Variants in CLSTN3 observed in about 807,000 individuals in gnomAD.
The protein encoded by CLSTN3 is calsyntenin 3.
Under a neutral mutation model 95.9 loss-of-function variants are expected in CLSTN3, and 36 were observed. The observed-to-expected ratio is 0.38, with a 90% CI of 0.29 to 0.50. CLSTN3 has a LOEUF of 0.50. Ranked by LOEUF, CLSTN3 falls within the 20% of genes least tolerant of loss-of-function variation. The pLI, the probability that CLSTN3 is intolerant of heterozygous loss-of-function variation, is 0.95. For synonymous variants in CLSTN3, 481 were observed against 504.0 expected, an observed-to-expected ratio of 0.95 and a Z score of 0.61; for missense variants, 1,084 against 1,268.8, an observed-to-expected ratio of 0.85 and a Z score of 2.21.
At position 7,133,102 on chromosome 12, in the gene CLSTN3, C is replaced by T. The variant is rs747312903; in HGVS notation, c.143C>T (p.Pro48Leu). 13 of 1,613,996 alleles carry T rather than the reference C, an allele frequency of 8.1e-6. No homozygotes were observed. The highest frequency in any genetic ancestry group is 1.1e-5 in the Non-Finnish European group (13 of 1,180,022). The change falls in exon 2 of 18, where the codon CCA becomes CTA. Residue 48 changes from proline to leucine, a missense_variant. Coordinates refer to ENST00000266546, the MANE Select transcript of CLSTN3 (RefSeq NM_014718.4). This position sits in a 1 kb window ranked among gnomAD's most constrained non-coding sequence, Gnocchi z 4.7. ...MENDNTVLLN[P>L]PLFALDKDAP... ...AATGACAACACGGTCCTACTGAATC[C>T]ACCACTCTTTGCCTTGGACAAGGAT...
At chr12:7,135,606 G>A (rs1364964139) in intron 4 of CLSTN3, 71 bp downstream of exon 4, 2 of 1,523,122 alleles carry the variant, frequency 1.3e-6, no homozygotes, top group Admixed American at 1.7e-5. Context: ...GACAACCCAG[G>A]GTTGCATTCT....
intron 6 of CLSTN3, among the ~76,000 whole-genome samples, 178 bp downstream of exon 6, chr12:7,136,569 T>C (rs935409075): frequency 6.6e-6 from 1 of 152,178 alleles, no homozygotes; most frequent in Non-Finnish European, 1.5e-5. Flanking sequence ...TTGGCAAAGA[T>C]GCATAGTCAT....
Position 7,150,030 on chromosome 12 carries a change from C to T in CLSTN3, c.2245+337C>T, listed in dbSNP as rs374257867. 3.6e-4 allele frequency among the ~76,000 whole-genome samples: 55 copies of T among 152,270 alleles called. No individual in the cohort carries two copies. The East Asian group carries it at 8.3e-3, about 23-fold the overall frequency. On this transcript the variant is annotated intron_variant, in intron 14 of 17. Transcript: ENST00000266546. The surrounding 1 kb of genome is among the most constrained non-coding windows in gnomAD (Gnocchi z 4.0). ...AACCCTCTAGCTGTCTGTTTGTTAC[C>T]GGTCATCTCTGTTGTTCAGCTCACT...
Position 7,157,389 on chromosome 12 carries a change from TC to T in CLSTN3, c.2528-98del. ...GCCACCGTGTGTTCTGCCCTGGGAG[TC>T]CTTCAGCCCGGGCTGCCTCTTTTCC... On this transcript the variant is annotated intron_variant, in intron 16 of 17. Transcript: ENST00000266546. The surrounding 1 kb of genome is among the most constrained non-coding windows in gnomAD (Gnocchi z 5.9). The T allele has an allele frequency of 2.0e-6, 2 of 1,015,976 alleles. No individual in the cohort carries two copies. Among genetic ancestry groups the T allele is most frequent in the East Asian group, 5.3e-5 (2 of 38,042 alleles). 62.9% of individuals were successfully genotyped at this position (1,015,976 alleles called of 1,614,324 possible). A position where few individuals can be genotyped will look rare whatever the true frequency, so the allele number is the denominator to read the frequency against.
intron 5 of CLSTN3, 85 bp from the exon 6 acceptor site, chr12:7,136,121 C>T: frequency 6.5e-7 from 1 of 1,536,744 alleles, no homozygotes; most frequent in Non-Finnish European, 8.8e-7. Context: ...CCAAACTGTC[C>T]ATGGACATGG....
At chr12:7,138,172 C>A in intron 8 of CLSTN3, 105 bp downstream of exon 8, 1 of 723,782 alleles carries the variant, frequency 1.4e-6, no homozygotes, top group South Asian at 1.8e-5. Flanking sequence ...CCCCCTTGCC[C>A]TCTCTTTGCT....
At chr12:7,142,564 T>C (rs1330101777) in intron 10 of CLSTN3, among the ~76,000 whole-genome samples, 1 of 151,986 alleles carries the variant, frequency 6.6e-6, no homozygotes, top group African/African-American at 2.4e-5. Flanking sequence ...TGGTCCTGTT[T>C]CCTTCTCTTC....
chr12:7,133,610 G>C lies in CLSTN3; in HGVS notation c.225G>C (p.Val75=). 1 of 1,614,096 alleles carries C rather than the reference G, an allele frequency of 6.2e-7. No individual in the cohort carries two copies. Among genetic ancestry groups the C allele is most frequent in the East Asian group, 2.2e-5 (1 of 44,860 alleles). Residue 75 remains valine, a synonymous_variant, in exon 3 of 18, where the codon GTG becomes GTC. Coordinates refer to ENST00000266546, the MANE Select transcript of CLSTN3 (RefSeq NM_014718.4). This position sits in a 1 kb window ranked among gnomAD's most constrained non-coding sequence, Gnocchi z 4.7. ...GCTTCCGGCTCCATGGGTCTGGGGT[G>C]CCCTTTGAGGCTGTGATCCTTGACA... is the stretch of plus-strand genomic sequence containing the variant. ...ICGFRLHGSG[V]PFEAVILDKA...
At chr12:7,142,520 C>A (rs1289443540) in intron 10 of CLSTN3, among the ~76,000 whole-genome samples, 1 of 151,754 alleles carries the variant, frequency 6.6e-6, no homozygotes, top group Non-Finnish European at 1.5e-5. Context: ...CTGCCGCCTC[C>A]CCCTCCCTCC....
Position 7,157,686 on chromosome 12 carries a change from A to G in CLSTN3, c.2725A>G (p.Met909Val). ...AGCTCTCACCATCATTGTGAACCCC[A>G]TGGAGGTGAGAGGCCTGGGGAAGCG... ...DSALTIIVNP[M>V]ESYQNRQSCV... The change falls in exon 17 of 18, where the codon ATG becomes GTG. Residue 909 changes from methionine to valine, a missense_variant. Met to Val is a conservative substitution (Grantham distance 21, BLOSUM62 1). Coordinates refer to ENST00000266546, the MANE Select transcript of CLSTN3 (RefSeq NM_014718.4). This position sits in a 1 kb window ranked among gnomAD's most constrained non-coding sequence, Gnocchi z 5.9. 1 of 1,580,160 alleles carries G rather than the reference A, an allele frequency of 6.3e-7. No homozygotes were observed. Among genetic ancestry groups the G allele is most frequent in the Non-Finnish European group, 8.6e-7 (1 of 1,162,034 alleles).
In CLSTN3 at chr12:7,141,365, C is replaced by T. The variant is rs1330141171; in HGVS notation, c.1447C>T (p.Arg483Ter). Reference sequence around the variant, plus strand: ...TGACAATGGCCTCATCCACCCACCCCGAAGGGAGCCTGCTCTCATGATTGG... The same window carrying T: ...TGACAATGGCCTCATCCACCCACCCTGAAGGGAGCCTGCTCTCATGATTGG... The part of the protein sequence containing the change: ...IHDNGLIHPP[R>*]REPALMIGAC... Residue 483 changes from arginine to a stop codon, truncating the protein, a stop_gained, in exon 9 of 18, where the codon CGA (arginine) becomes TGA (stop). Transcript: ENST00000266546. LOFTEE classifies it high-confidence loss of function. The surrounding 1 kb of genome is among the most constrained non-coding windows in gnomAD (Gnocchi z 4.1). 2.5e-6 allele frequency: 4 copies of T among 1,614,184 alleles called. No homozygotes were observed. The highest frequency in any genetic ancestry group is 2.2e-5 in the East Asian group (1 of 44,874).
In CLSTN3 at chr12:7,141,391, G is replaced by A. The variant is rs780284175; in HGVS notation, c.1473G>A (p.Gly491=). 1.9e-5 allele frequency: 31 copies of A among 1,614,046 alleles called. No individual in the cohort carries two copies. Among genetic ancestry groups the A allele is most frequent in the African/African-American group, 1.3e-5 (1 of 74,910 alleles). The change falls in exon 9 of 18, where the codon GGG becomes GGA. Residue 491 remains glycine (G), a synonymous_variant. Transcript: ENST00000266546. This position sits in a 1 kb window ranked among gnomAD's most constrained non-coding sequence, Gnocchi z 4.1. ...GAAGGGAGCCTGCTCTCATGATTGG[G>A]GCCTGCTGGACTGGTAAGCTTCTCA... is the stretch of plus-strand genomic sequence containing the variant. The part of the protein sequence containing the change: ...PPRREPALMI[G]ACWTEEKNKE...
rs35489298 is a variant in CLSTN3, at chr12:7,137,756, ATG to A, written c.1211-160_1211-159del. Among the ~76,000 whole-genome samples the A allele has an allele frequency of 0.019, 1,458 of 76,068 alleles. 23 individuals carry two copies. The highest frequency in any genetic ancestry group is 0.044 in the African/African-American group (742 of 16,780). 49.9% of individuals were successfully genotyped at this position (76,068 alleles called of 152,430 possible). ...AGCCCAAGTTATCACTTGGACTGGA[ATG>A]TGTGTGTGTGTGTGTGTGTGTGTGT... On this transcript the variant is annotated intron_variant, in intron 7 of 17. Coordinates refer to ENST00000266546, the MANE Select transcript of CLSTN3 (RefSeq NM_014718.4). The surrounding 1 kb of genome is among the most constrained non-coding windows in gnomAD (Gnocchi z 4.4).
At position 7,133,619 on chromosome 12, in the gene CLSTN3, G is replaced by A. The variant is rs375695520; in HGVS notation, c.234G>A (p.Glu78=). The A allele has an allele frequency of 2.5e-6, 4 of 1,614,126 alleles. No homozygotes were observed. Among genetic ancestry groups the A allele is most frequent in the Non-Finnish European group, 3.4e-6 (4 of 1,180,014 alleles). The part of the protein sequence containing the change: ...FRLHGSGVPF[E]AVILDKATGE... ...TCCATGGGTCTGGGGTGCCCTTTGA[G>A]GCTGTGATCCTTGACAAGGCGACAG... Residue 78 remains glutamate (E), a synonymous_variant, in exon 3 of 18, where the codon GAG becomes GAA. Coordinates refer to ENST00000266546, the MANE Select transcript of CLSTN3 (RefSeq NM_014718.4). This position sits in a 1 kb window ranked among gnomAD's most constrained non-coding sequence, Gnocchi z 4.7.
At chr12:7,132,956 A>G (rs761776638) in intron 1 of CLSTN3, 68 bp from the exon 2 acceptor site, 39 of 1,607,914 alleles carry the variant, frequency 2.4e-5, no homozygotes, top group Non-Finnish European at 3.1e-5. Flanking sequence ...CTGGGTCAAC[A>G]AGGGTTGTTG....
At chr12:7,143,535 C>T (rs150199905) in intron 12 of CLSTN3, among the ~76,000 whole-genome samples, 228 of 152,374 alleles carry the variant, frequency 1.5e-3, no homozygotes, top group African/African-American at 5.1e-3. Context: ...GTTACTCTTT[C>T]TACCAAGTCA....
At chr12:7,153,047 G>A (rs1939751632) in intron 16 of CLSTN3, among the ~76,000 whole-genome samples, 1 of 152,026 alleles carries the variant, frequency 6.6e-6, no homozygotes, top group African/African-American at 2.4e-5. Flanking sequence ...ATTCAGTCTG[G>A]CTTCCTCTCC....
At position 7,157,426 on chromosome 12, in the gene CLSTN3, C is replaced by T. The variant is rs569457478; in HGVS notation, c.2528-63C>T. On this transcript the variant is annotated intron_variant, in intron 16 of 17. Coordinates refer to ENST00000266546, the MANE Select transcript of CLSTN3 (RefSeq NM_014718.4). The surrounding 1 kb of genome is among the most constrained non-coding windows in gnomAD (Gnocchi z 5.9). ...GGCTGCCTCTTTTCCTACCCAGCCC[C>T]CTGTCCAAGTGCCCCCAGGTGTGCC... 1.9e-5 allele frequency: 28 copies of T among 1,436,922 alleles called. No individual in the cohort carries two copies. The highest frequency in any genetic ancestry group is 2.5e-5 in the Non-Finnish European group (27 of 1,070,998). 89.0% of individuals were successfully genotyped at this position (1,436,922 alleles called of 1,614,324 possible). A position where few individuals can be genotyped will look rare whatever the true frequency, so the allele number is the denominator to read the frequency against.
chr12:7,138,150 A>G, intron 8 of CLSTN3, 83 bp downstream of exon 8: 1 of 1,011,438 alleles, frequency 9.9e-7, no homozygotes, highest in Admixed American at 2.1e-5. Flanking sequence ...CAGGGTCAGC[A>G]TTTTCTGGGT....
Sources: gnomAD v4.1 joint callset for allele counts (sites outside exome capture counted in the v4.1 genomes callset) on GRCh38, gnomAD v4.1.1 for gene constraint, Gnocchi (gnomAD v3.1) non-coding constraint, MANE v1.5 for transcripts, NCBI Gene and HGNC (gene_info 2026-07-23, HGNC 2026-07-21) for gene names.